Variants in MAN2C1 observed in about 807,000 individuals in gnomAD.
The protein encoded by MAN2C1 is mannosidase alpha class 2C member 1, also known as alpha-mannosidase 2C1.
A neutral mutation model predicts 126.9 loss-of-function variants in MAN2C1; 111 were observed. The ratio of observed to expected loss-of-function variants is 0.87; its 90% CI spans 0.75 to 1.02. The LOEUF is 1.02. MAN2C1 is among the 50% of genes least tolerant of loss of function. MAN2C1 has a pLI of 0.00. For synonymous variants in MAN2C1, 567 were observed against 561.5 expected (o/e 1.01, Z -0.14); for missense variants, 1,363 against 1,364.4 (o/e 1.00, Z 0.02).
Position 75,361,026 on chromosome 15 carries a change from G to C in MAN2C1, c.1460+20C>G, listed in dbSNP as rs1430726253. The C allele has an allele frequency of 6.2e-7, 1 of 1,600,496 alleles. No individual in the cohort carries two copies. Among genetic ancestry groups the C allele is most frequent in the East Asian group, 2.3e-5 (1 of 44,360 alleles). Reference sequence around the variant, plus strand: ...AAGGGCCCAGGGTGGGGCTAAAGGAGAGCCAAGGCCTGGCCTGACCTGGGC... The same window carrying C: ...AAGGGCCCAGGGTGGGGCTAAAGGACAGCCAAGGCCTGGCCTGACCTGGGC... On this transcript the variant is annotated intron_variant, in intron 12 of 25. Coordinates refer to ENST00000267978, the MANE Select transcript of MAN2C1 (RefSeq NM_006715.4). The surrounding 1 kb of genome is among the most constrained non-coding windows in gnomAD (Gnocchi z 5.0).
chr15:75,366,728 G>A, intron 3 of MAN2C1, 136 bp from the exon 4 acceptor site: 1 of 580,430 alleles, frequency 1.7e-6, no homozygotes. Flanking sequence ...GCCAAGATTG[G>A]CAAATCAGGG....
Position 75,368,133 on chromosome 15 carries a change from T to A in MAN2C1, c.167A>T (p.Tyr56Phe), listed in dbSNP as rs772475049. The A allele has an allele frequency of 4.4e-6, 7 of 1,605,818 alleles. No homozygotes were observed. The highest frequency in any genetic ancestry group is 5.1e-6 in the Non-Finnish European group (6 of 1,177,286). Residue 56 changes from tyrosine to phenylalanine, a missense_variant, in exon 2 of 26, where the codon TAC becomes TTC. This residue lies in a region of MAN2C1 where 628 missense variants were observed against 609.8 expected (regional missense o/e 1.03). Coordinates refer to ENST00000267978, the MANE Select transcript of MAN2C1 (RefSeq NM_006715.4). ...GAAGTCCCGCTGGACTGCCTCCTGG[T>A]AGGGAAGTCTCTCCGGCGTCAGGAA... ...SSFLTPERLP[Y>F]QEAVQRDFRP...
chr15:75,360,836 GGA>G, intron 12 of MAN2C1, 148 bp from the exon 13 acceptor site: 2 of 1,205,354 alleles, frequency 1.7e-6, no homozygotes, highest in East Asian at 4.9e-5. Flanking sequence ...GGACGCCCTA[GGA>G]GAGCCTCTCT....
chr15:75,364,066 G>T lies in MAN2C1; in HGVS notation c.723C>A (p.Phe241Leu). ...FPVAQALASR[F>L]FGQHGGESQH... ...GGCTTTCACCCCCATGTTGGCCAAA[G>T]AACCTGGAGGCCAGGGCCTGGGCCA... is the stretch of plus-strand genomic sequence containing the variant. Residue 241 changes from phenylalanine (F) to leucine (L), a missense_variant, in exon 6 of 26, where the codon TTC (phenylalanine) becomes TTA (leucine). Phe to Leu is a conservative substitution (Grantham distance 22). Transcript: ENST00000267978. 6.2e-7 allele frequency: 1 copy of T among 1,614,194 alleles called. No individual in the cohort carries two copies. Among genetic ancestry groups the T allele is most frequent in the South Asian group, 1.1e-5 (1 of 91,086 alleles).
rs147906565 is a variant in MAN2C1, at chr15:75,356,201, G to A, written c.2905C>T (p.Arg969Cys). ...TACAGCCTCAGGACCAGCGAGCGGC[G>A]CTGGGGGCTGCTCTCCGCCTGCAGA... ...TVKQAESSPQ[R>C]RSLVLRLYEA... The change falls in exon 25 of 26, where the codon CGC becomes TGC. Residue 969 changes from arginine to cysteine, a missense_variant. By Grantham distance (180) the Arg-to-Cys change is radical (BLOSUM62 -3). Around this residue, in one of 3 missense-constraint regions of MAN2C1, gnomAD observed 668 missense variants for 650.1 expected, o/e 1.03. Coordinates refer to ENST00000267978, the MANE Select transcript of MAN2C1 (RefSeq NM_006715.4). This position sits in a 1 kb window ranked among gnomAD's most constrained non-coding sequence, Gnocchi z 5.8. The A allele has an allele frequency of 1.7e-5, 28 of 1,613,144 alleles. No individual in the cohort carries two copies. Among genetic ancestry groups the A allele is most frequent in the Middle Eastern group, 3.3e-4 (2 of 6,054 alleles).
At position 75,357,036 on chromosome 15, in the gene MAN2C1, G is replaced by A. The variant is rs2072336450; in HGVS notation, c.2548-134C>T. 1.4e-5 allele frequency: 10 copies of A among 689,806 alleles called. 2 individuals carry two copies. The South Asian group carries it at 1.9e-4, about 13-fold the overall frequency. The allele number at this position is 689,806 out of a possible 1,614,324, so 42.7% of individuals were successfully genotyped here. ...TGAACTCCAGCTCCCACTGTACGGG[G>A]CCCTGGGCATGCCACCCAACCTGCC... is the stretch of plus-strand genomic sequence containing the variant. On this transcript the variant is annotated intron_variant, in intron 21 of 25. Coordinates refer to ENST00000267978, the MANE Select transcript of MAN2C1 (RefSeq NM_006715.4).
chr15:75,365,928 TAA>T, intron 4 of MAN2C1: 5 of 388,694 alleles, frequency 1.3e-5, no homozygotes, highest in Admixed American at 5.7e-5. Context: ...CTACCAAAAA[TAA>T]AAAAAAAATA....
In MAN2C1 at chr15:75,361,208, A is replaced by G. The variant is rs1203269378; in HGVS notation, c.1315-17T>C. The G allele has an allele frequency of 6.2e-7, 1 of 1,608,756 alleles. No individual in the cohort carries two copies. Among genetic ancestry groups the G allele is most frequent in the East Asian group, 2.2e-5 (1 of 44,738 alleles). On this transcript the variant is annotated splice_polypyrimidine_tract_variant and intron_variant, in intron 11 of 25. Transcript: ENST00000267978. This position sits in a 1 kb window ranked among gnomAD's most constrained non-coding sequence, Gnocchi z 5.0. The stretch of plus-strand genomic sequence containing the variant: ...CTTCAGCACCTAGACAGGTGAGGGC[A>G]GGCCAGCATGGATCAGCCTGGAACA...
chr15:75,367,531 G>A lies in MAN2C1; in HGVS notation c.331C>T (p.Arg111Cys), dbSNP rs760110630. ...CTCACCTGGACAGGTTCTCCATCAC[G>A]CCACACCAGACCTTCTCCATCACTT... ...WESDGEGLVWRDGEPVQGLTK... is the reference protein window; with the variant it reads ...WESDGEGLVWCDGEPVQGLTK... Residue 111 changes from arginine (R) to cysteine (C), a missense_variant, in exon 3 of 26, where the codon CGT (arginine) becomes TGT (cysteine). By Grantham distance (180) the Arg-to-Cys change is radical. Around this residue, in one of 3 missense-constraint regions of MAN2C1, gnomAD observed 628 missense variants for 609.8 expected, o/e 1.03. Coordinates refer to ENST00000267978, the MANE Select transcript of MAN2C1 (RefSeq NM_006715.4). 6.2e-6 allele frequency: 10 copies of A among 1,613,940 alleles called. No homozygotes were observed. The highest frequency in any genetic ancestry group is 3.3e-5 in the South Asian group (3 of 91,086).
At chr15:75,359,849 T>C (rs2072430649) in intron 15 of MAN2C1, 54 bp downstream of exon 15, 4 of 1,611,982 alleles carry the variant, frequency 2.5e-6, no homozygotes, top group Middle Eastern at 1.7e-4. Context: ...CAGGGGACAC[T>C]CTGGGCTCAG....
rs776899586 is a variant in MAN2C1, at chr15:75,360,151, G to C, written c.1645C>G (p.Leu549Val). The C allele has an allele frequency of 2.1e-5, 34 of 1,613,526 alleles. 1 individual carries two copies. The South Asian group carries it at 3.4e-4, about 16-fold the overall frequency. Reference sequence around the variant, plus strand: ...AACTGGGCACTGCGGGCCAGGGCCAGGCTACTGAGCAGCTCCACGTCGTGC... The same window carrying C: ...AACTGGGCACTGCGGGCCAGGGCCACGCTACTGAGCAGCTCCACGTCGTGC... ...ILHDVELLSS[L>V]ALARSAQFLY... Residue 549 changes from leucine (L) to valine (V), a missense_variant, in exon 14 of 26, where the codon CTG (leucine) becomes GTG (valine). Physicochemically the swap from Leu to Val is conservative, Grantham distance 32. Around this residue, in one of 3 missense-constraint regions of MAN2C1, gnomAD observed 67 missense variants for 104.5 expected, o/e 0.64. Transcript: ENST00000267978.
At chr15:75,365,291 G>A (rs908995894) in intron 4 of MAN2C1, among the ~76,000 whole-genome samples, 1 of 119,726 alleles carries the variant, frequency 8.4e-6, no homozygotes, top group Admixed American at 9.4e-5. Context: ...TACTCCCAGT[G>A]TCTGAAAGCA....
At position 75,362,364 on chromosome 15, in the gene MAN2C1, C is replaced by A. The variant is rs201160317; in HGVS notation, c.987G>T (p.Val329=). The change falls in exon 8 of 26, where the codon GTG becomes GTT. Residue 329 remains valine (V), a synonymous_variant. Transcript: ENST00000267978. The surrounding 1 kb of genome is among the most constrained non-coding windows in gnomAD (Gnocchi z 4.5). ...EFACRGQFVP[V]GGTWVEMDGN... is the part of the protein sequence containing the mutation. ...TTACCATCTCCACCCAGGTGCCCCC[C>A]ACAGGCACAAACTGCCCACGGCACG... 10 of 1,613,834 alleles carry A rather than the reference C, an allele frequency of 6.2e-6. No homozygotes were observed. Among genetic ancestry groups the A allele is most frequent in the South Asian group, 3.3e-5 (3 of 91,088 alleles).
Position 75,362,824 on chromosome 15 carries a change from C to A in MAN2C1, c.791-76G>T. The A allele has an allele frequency of 8.2e-7, 1 of 1,218,084 alleles. No individual in the cohort carries two copies. Among genetic ancestry groups the A allele is most frequent in the Non-Finnish European group, 1.2e-6 (1 of 832,792 alleles). The allele number at this position is 1,218,084 out of a possible 1,614,324, so 75.5% of individuals were successfully genotyped here. On this transcript the variant is annotated intron_variant, in intron 6 of 25. Transcript: ENST00000267978. This position sits in a 1 kb window ranked among gnomAD's most constrained non-coding sequence, Gnocchi z 4.5. Reference sequence around the variant, plus strand: ...CCTGGGCTGGGACTCCAGAGGGTCACCTAGCCCCCCTCCCATCCCAGGCCC... The same window carrying A: ...CCTGGGCTGGGACTCCAGAGGGTCAACTAGCCCCCCTCCCATCCCAGGCCC...
rs781017156 is a variant in MAN2C1, at chr15:75,359,103, GTC to G, written c.2095_2096del (p.Asp699ProfsTer20). 8.1e-6 allele frequency: 13 copies of G among 1,613,936 alleles called. No individual in the cohort carries two copies. Among genetic ancestry groups the G allele is most frequent in the Admixed American group, 1.7e-5 (1 of 60,012 alleles). On this transcript the variant is annotated frameshift_variant, in exon 18 of 26. Transcript: ENST00000267978. LOFTEE classifies it high-confidence loss of function. ...LDNGIIRVKL[D>X]PTGRLTSLVL... is the part of the protein sequence containing the mutation. ...CCAAGGACGTCAGGCGACCAGTTGG[GTC>G]CAGCTTCACTCGGATGATGCCATTG...
chr15:75,367,701 AGT>A, intron 2 of MAN2C1, 67 bp from the exon 3 acceptor site: 2 of 1,588,324 alleles, frequency 1.3e-6, no homozygotes, highest in Non-Finnish European at 1.7e-6. Context: ...CCTTGGATAA[AGT>A]GTCGGCAGGG....
intron 2 of MAN2C1, 104 bp from the exon 3 acceptor site, chr15:75,367,738 A>AAG (rs2072605962): frequency 7.0e-7 from 1 of 1,427,124 alleles, no homozygotes; most frequent in African/African-American, 1.4e-5. Context: ...AAGCATCTGC[A>AAG]GTGTCACAAG....
chr15:75,363,790 G>C (rs545234288), intron 6 of MAN2C1: 1 of 571,444 alleles, frequency 1.7e-6, no homozygotes, highest in African/African-American at 1.9e-5. Context: ...TGGGTGACAA[G>C]AGTGAGACTC....
chr15:75,368,387 C>T (rs1326055121), intron 1 of MAN2C1, 96 bp downstream of exon 1: 20 of 1,431,176 alleles, frequency 1.4e-5, no homozygotes, highest in African/African-American at 1.3e-4. Context: ...CACTTTGTCC[C>T]GCGGCCCGGG....
Sources: gnomAD v4.1 joint callset for allele counts (sites outside exome capture counted in the v4.1 genomes callset) on GRCh38, gnomAD v4.1.1 for gene constraint, gnomAD v4.1.1 regional missense constraint, Gnocchi (gnomAD v3.1) non-coding constraint, MANE v1.5 for transcripts, NCBI Gene and HGNC (gene_info 2026-07-23, HGNC 2026-07-21) for gene names.